UBE2E2: variants seen among roughly 807,000 people sequenced by gnomAD.
UBE2E2 encodes ubiquitin conjugating enzyme E2 E2.
A neutral mutation model predicts 24.7 loss-of-function variants in UBE2E2; 6 were observed. The ratio of observed to expected loss-of-function variants is 0.24; its 90% confidence interval spans 0.13 to 0.48. The LOEUF (loss-of-function observed/expected upper bound fraction) is 0.48. Among genes scored for constraint, UBE2E2 ranks in the 20% least tolerant of loss-of-function variants. The probability of loss-of-function intolerance (pLI) is 0.99; values close to 1 mark genes in which losing one functional copy is unlikely to be tolerated. For synonymous variants in UBE2E2, 104 were observed against 83.6 expected (o/e 1.24, Z -1.33); for missense variants, 169 against 245.0 (o/e 0.69, Z 2.07).
intron 3 of UBE2E2, among the ~76,000 whole-genome samples, chr3:23,352,046 G>C (rs1695771552): frequency 1.3e-5 from 2 of 152,164 alleles, no homozygotes; most frequent in Admixed American, 6.5e-5. Context: ...TCAGACCTCA[G>C]TGCAATCAAA....
chr3:23,401,848 CTTTTTT>C (rs35903137), intron 3 of UBE2E2, among the ~76,000 whole-genome samples: 1 of 67,660 alleles, frequency 1.5e-5, no homozygotes, highest in African/African-American at 7.5e-5. Flanking sequence ...TGCCTGGCTA[CTTTTTT>C]TTTTTTTTTT....
intron 3 of UBE2E2, among the ~76,000 whole-genome samples, chr3:23,433,177 C>T (rs1332882867): frequency 1.3e-5 from 2 of 151,716 alleles, no homozygotes; most frequent in Non-Finnish European, 3.0e-5. Flanking sequence ...TTTCAGGCAC[C>T]TAGGATACTG....
intron 3 of UBE2E2, among the ~76,000 whole-genome samples, chr3:23,265,637 G>A (rs1698027511): frequency 1.3e-5 from 2 of 152,124 alleles, no homozygotes; most frequent in African/African-American, 4.8e-5. Flanking sequence ...ATGTGGTTGA[G>A]GCCACAGGGA....
intron 3 of UBE2E2, among the ~76,000 whole-genome samples, chr3:23,234,270 G>A (rs1165597811): frequency 6.6e-6 from 1 of 151,934 alleles, no homozygotes; most frequent in Non-Finnish European, 1.5e-5. Flanking sequence ...GTTTGGAGTG[G>A]GACATGACCA....
At chr3:23,352,973 C>T (rs1178989350) in intron 3 of UBE2E2, among the ~76,000 whole-genome samples, 1 of 152,114 alleles carries the variant, frequency 6.6e-6, no homozygotes, top group African/African-American at 2.4e-5. Context: ...AACATTGATG[C>T]AAAAATCCTC....
chr3:23,501,247 T>C (rs1699714413), intron 4 of UBE2E2, among the ~76,000 whole-genome samples: 2 of 152,200 alleles, frequency 1.3e-5, no homozygotes, highest in African/African-American at 4.8e-5. Context: ...AGATTAGTAG[T>C]TTCAGAAAAT....
Position 23,514,172 on chromosome 3 carries a change from G to A in UBE2E2, c.360+14432G>A, listed in dbSNP as rs59295231. 5.6e-4 allele frequency among the ~76,000 whole-genome samples: 85 copies of A among 152,310 alleles called. 3 individuals carry two copies. The East Asian group carries it at 0.015, about 27-fold the overall frequency. On this transcript the variant is annotated intron_variant, in intron 4 of 5. Transcript: ENST00000396703. ...GAACATGTTTGATCCAGTTCTTCAT[G>A]TGGTCAATACCTTCTCATTGTTCAG...
intron 3 of UBE2E2, among the ~76,000 whole-genome samples, chr3:23,261,505 A>G (rs1697901608): frequency 6.6e-6 from 1 of 152,174 alleles, no homozygotes; most frequent in African/African-American, 2.4e-5. Context: ...CTCTCTTAGC[A>G]AATTGCAGGT....
intron 3 of UBE2E2, among the ~76,000 whole-genome samples, chr3:23,450,132 C>T (rs1698529963): frequency 6.6e-6 from 1 of 152,166 alleles, no homozygotes; most frequent in African/African-American, 2.4e-5. Flanking sequence ...CTTTTATCCC[C>T]TTGCTTCTTT....
intron 3 of UBE2E2, among the ~76,000 whole-genome samples, chr3:23,321,764 A>G (rs547235563): frequency 6.6e-6 from 1 of 151,628 alleles, no homozygotes; most frequent in South Asian, 2.1e-4. Context: ...CAGAGACTGA[A>G]TCATTGTCTT....
Position 23,464,944 on chromosome 3 carries a change from A to G in UBE2E2, c.228-34664A>G, listed in dbSNP as rs559852669. 2.6e-5 allele frequency among the ~76,000 whole-genome samples: 4 copies of G among 152,362 alleles called. No individual in the cohort carries two copies. The East Asian group carries it at 5.8e-4, about 22-fold the overall frequency. On this transcript the variant is annotated intron_variant, in intron 3 of 5. Transcript: ENST00000396703. ...GTAGAAGACTCTAGGCTGCAGCTACACATGTGTATCTTCGAAGAGTATTTA... is the reference window on the plus strand; with the variant it reads ...GTAGAAGACTCTAGGCTGCAGCTACGCATGTGTATCTTCGAAGAGTATTTA...
intron 4 of UBE2E2, among the ~76,000 whole-genome samples, chr3:23,531,337 A>G (rs1695118564): frequency 6.6e-6 from 1 of 152,190 alleles, no homozygotes; most frequent in Non-Finnish European, 1.5e-5. Flanking sequence ...GTATATTTCA[A>G]CTTAAAATTT....
At chr3:23,204,868 G>C (rs911625971) in intron 1 of UBE2E2, 14 of 642,148 alleles carry the variant, frequency 2.2e-5, no homozygotes, top group Non-Finnish European at 2.7e-5. Flanking sequence ...ACGCTTTCCT[G>C]TTATAAAAGC....
At chr3:23,326,826 C>G (rs976626864) in intron 3 of UBE2E2, among the ~76,000 whole-genome samples, 3 of 152,130 alleles carry the variant, frequency 2.0e-5, no homozygotes, top group Non-Finnish European at 4.4e-5. Flanking sequence ...CTCCCCACTC[C>G]CCCCACCCCA....
At chr3:23,517,873 A>C (rs1330359947) in intron 4 of UBE2E2, among the ~76,000 whole-genome samples, 2 of 152,202 alleles carry the variant, frequency 1.3e-5, no homozygotes, top group East Asian at 3.8e-4. Context: ...ATTATATGGA[A>C]AGGAAAACAG....
intron 3 of UBE2E2, among the ~76,000 whole-genome samples, chr3:23,264,526 G>A (rs1029422858): frequency 1.3e-5 from 2 of 152,094 alleles, no homozygotes; most frequent in African/African-American, 2.4e-5. Flanking sequence ...ATGTGACTTT[G>A]AGTTTTTAAT....
chr3:23,244,803 T>C (rs951813067), intron 3 of UBE2E2, among the ~76,000 whole-genome samples: 2 of 152,166 alleles, frequency 1.3e-5, no homozygotes, highest in Non-Finnish European at 2.9e-5. Flanking sequence ...TATACTTTGG[T>C]TCTGAAATAC....
At position 23,223,024 on chromosome 3, in the gene UBE2E2, CCTTT is replaced by C. The variant is rs746210454; in HGVS notation, c.227+5713_227+5716del. On this transcript the variant is annotated intron_variant, in intron 3 of 5. Coordinates refer to ENST00000396703, the MANE Select transcript of UBE2E2 (RefSeq NM_152653.4). ...CTGTTTACATCTTTTGCCCCCCCCC[CCTTT>C]TTTTTTTTTTTTGAGTTGTCTCTCT... 8.8e-5 allele frequency among the ~76,000 whole-genome samples: 9 copies of C among 101,832 alleles called. 1 individual carries two copies. The highest frequency in any genetic ancestry group is 3.0e-4 in the African/African-American group (8 of 27,020). The allele number at this position is 101,832 out of a possible 152,430, so 66.8% of individuals were successfully genotyped here. A position where few individuals can be genotyped will look rare whatever the true frequency, so the allele number is the denominator to read the frequency against.
At chr3:23,483,801 T>C (rs3111311) in intron 3 of UBE2E2, among the ~76,000 whole-genome samples, 85,531 of 152,060 alleles carry the variant, frequency 0.56, 25,246 homozygotes, top group East Asian at 0.74. Context: ...ATTTGGGATC[T>C]AGGCCTTTTT....
Sources: gnomAD v4.1 joint callset for allele counts (sites outside exome capture counted in the v4.1 genomes callset) on GRCh38, gnomAD v4.1.1 for gene constraint, MANE v1.5 for transcripts, NCBI Gene and HGNC (gene_info 2026-07-23, HGNC 2026-07-21) for gene names.